The following TEAD4 variants were observed in gnomAD, a reference collection of about 807,000 sequenced individuals.
The protein encoded by TEAD4 is transcriptional enhancer factor TEF-3.
TEAD4 carries 36 observed loss-of-function variants against 52.4 expected under a neutral mutation model. The observed-to-expected ratio is 0.69, with a 90% CI of 0.53 to 0.91. The LOEUF (loss-of-function observed/expected upper bound fraction) is 0.91. TEAD4 is among the 40% of genes least tolerant of loss of function. The pLI, the probability that TEAD4 is intolerant of heterozygous loss-of-function variation, is 0.00. For missense variants in TEAD4, 508 were observed against 583.9 expected (o/e 0.87, Z 1.34); for synonymous variants, 220 against 231.0 (o/e 0.95, Z 0.43).
rs1308402354 is a variant in TEAD4, at chr12:3,010,899, C to T, written c.227-105C>T. 6 of 1,253,568 alleles carry T rather than the reference C, an allele frequency of 4.8e-6. No homozygotes were observed. The East Asian group carries it at 1.4e-4, about 29-fold the overall frequency. The allele number at this position is 1,253,568 out of a possible 1,614,324, so 77.7% of individuals were successfully genotyped here. On this transcript the variant is annotated intron_variant, in intron 3 of 12. Transcript: ENST00000359864. ...ACCCCACAAATCCGCTTAGGATGGGCAGAGAGTGAGGGCAGGGCTCCTCCG... is the reference window on the plus strand; with the variant it reads ...ACCCCACAAATCCGCTTAGGATGGGTAGAGAGTGAGGGCAGGGCTCCTCCG...
intron 2 of TEAD4, among the ~76,000 whole-genome samples, chr12:2,983,268 A>G (rs914290664): frequency 6.6e-6 from 1 of 152,186 alleles, no homozygotes; most frequent in African/African-American, 2.4e-5. Context: ...AATAGCTCTT[A>G]TGAGCACTGA....
At chr12:2,989,801 A>C (rs2098241629) in intron 2 of TEAD4, among the ~76,000 whole-genome samples, 1 of 152,112 alleles carries the variant, frequency 6.6e-6, no homozygotes, top group Non-Finnish European at 1.5e-5. Flanking sequence ...TTCACTCTTC[A>C]TGCTTTTAAG....
intron 3 of TEAD4, among the ~76,000 whole-genome samples, chr12:3,005,404 C>G (rs1425889211): frequency 6.6e-6 from 1 of 152,240 alleles, no homozygotes; most frequent in Non-Finnish European, 1.5e-5. Context: ...AGTGACCCTC[C>G]TGCCTCAGCT....
chr12:2,974,299 G>A (rs890636129), intron 2 of TEAD4, among the ~76,000 whole-genome samples: 1 of 152,150 alleles, frequency 6.6e-6, no homozygotes, highest in Non-Finnish European at 1.5e-5. Flanking sequence ...CACCGTGCCC[G>A]GCCAGCTTTG....
chr12:3,020,232 G>A (rs1299357000), intron 8 of TEAD4, among the ~76,000 whole-genome samples: 1 of 152,184 alleles, frequency 6.6e-6, no homozygotes, highest in Non-Finnish European at 1.5e-5. Flanking sequence ...CCGTCTCTCC[G>A]GGATGATGCC....
chr12:3,033,900 G>C (rs1040487946), intron 10 of TEAD4, among the ~76,000 whole-genome samples: 1 of 146,758 alleles, frequency 6.8e-6, no homozygotes, highest in South Asian at 2.1e-4. Context: ...GCAGGAGAAG[G>C]GGTGAGGCTG....
chr12:3,039,396 G>A (rs1049479021), intron 11 of TEAD4, among the ~76,000 whole-genome samples: 3 of 152,190 alleles, frequency 2.0e-5, no homozygotes, highest in Admixed American at 2.0e-4. Flanking sequence ...TGGACAACCA[G>A]GAAATTGACG....
Position 3,018,482 on chromosome 12 carries a change from C to G in TEAD4, c.484-63C>G. On this transcript the variant is annotated intron_variant, in intron 6 of 12. Coordinates refer to ENST00000359864, the MANE Select transcript of TEAD4 (RefSeq NM_003213.4). ...GCCCTGCCCGGTCCTACCCCCACCCCCACACCACAGGGCCCCGGGTGCACC... is the reference window on the plus strand; with the variant it reads ...GCCCTGCCCGGTCCTACCCCCACCCGCACACCACAGGGCCCCGGGTGCACC... 6 of 1,605,998 alleles carry G rather than the reference C, an allele frequency of 3.7e-6. No individual in the cohort carries two copies. The South Asian group carries it at 5.5e-5, about 15-fold the overall frequency.
chr12:2,977,065 C>T (rs945715721), intron 2 of TEAD4, among the ~76,000 whole-genome samples: 3 of 106,416 alleles, frequency 2.8e-5, no homozygotes, highest in Non-Finnish European at 6.0e-5. Context: ...CAAGGAGCCC[C>T]TTTTTGGGCC....
chr12:3,018,444 C>T (rs2098266165), intron 6 of TEAD4, 101 bp from the exon 7 acceptor site: 1 of 1,397,962 alleles, frequency 7.2e-7, no homozygotes. Flanking sequence ...TCCAGCCTCT[C>T]CTCCCAGTGG....
chr12:2,962,873 C>G (rs1038083488), intron 2 of TEAD4, among the ~76,000 whole-genome samples: 3 of 152,212 alleles, frequency 2.0e-5, no homozygotes, highest in Admixed American at 6.5e-5. Context: ...AACCTATGCT[C>G]TCCCCTTGGC....
At chr12:2,978,792 A>G (rs917889706) in intron 2 of TEAD4, among the ~76,000 whole-genome samples, 3 of 152,254 alleles carry the variant, frequency 2.0e-5, no homozygotes, top group South Asian at 4.1e-4. Flanking sequence ...GGATTTGCAT[A>G]TTCTCAGTAC....
chr12:3,019,204 C>T (rs2098266848), intron 8 of TEAD4, 34 bp downstream of exon 8: 6 of 1,611,696 alleles, frequency 3.7e-6, no homozygotes, highest in Non-Finnish European at 5.1e-6. Context: ...CTTTCTATCG[C>T]AGCCATGTGG....
At chr12:3,006,676 T>G (rs1438275674) in intron 3 of TEAD4, among the ~76,000 whole-genome samples, 1 of 150,310 alleles carries the variant, frequency 6.7e-6, no homozygotes, top group Non-Finnish European at 1.5e-5. Context: ...AGAGCGAAAC[T>G]CCGTCTCAAA....
At chr12:2,993,532 G>A (rs7487185) in intron 2 of TEAD4, among the ~76,000 whole-genome samples, 1 of 152,064 alleles carries the variant, frequency 6.6e-6, no homozygotes, top group Middle Eastern at 3.2e-3. Context: ...GTGCAGTGGC[G>A]CAATCATGGC....
At chr12:3,005,027 G>C (rs1230347454) in intron 3 of TEAD4, among the ~76,000 whole-genome samples, 3 of 152,216 alleles carry the variant, frequency 2.0e-5, no homozygotes, top group African/African-American at 7.2e-5. Context: ...AGGGAGAGGA[G>C]GAGGAAGCTC....
At chr12:2,964,411 G>A (rs1312390694) in intron 2 of TEAD4, among the ~76,000 whole-genome samples, 1 of 152,130 alleles carries the variant, frequency 6.6e-6, no homozygotes, top group Non-Finnish European at 1.5e-5. Flanking sequence ...TCTGGACAGG[G>A]AGTCCCCAGG....
At chr12:3,004,414 A>C (rs3782843) in intron 3 of TEAD4, among the ~76,000 whole-genome samples, 108,885 of 152,114 alleles carry the variant, frequency 0.72, 42,600 homozygotes, top group Non-Finnish European at 0.88. Flanking sequence ...TTTCATCTTC[A>C]TCAGGCTAAA....
At chr12:2,965,583 G>A (rs947698116) in intron 2 of TEAD4, among the ~76,000 whole-genome samples, 4 of 152,100 alleles carry the variant, frequency 2.6e-5, no homozygotes, top group South Asian at 2.1e-4. Context: ...ACGGAGTCTC[G>A]CTCTTTCGCC....
Sources: gnomAD v4.1 joint callset for allele counts (sites outside exome capture counted in the v4.1 genomes callset) on GRCh38, gnomAD v4.1.1 for gene constraint, MANE v1.5 for transcripts, NCBI Gene and HGNC (gene_info 2026-07-23, HGNC 2026-07-21) for gene names.